Variants in KCNU1 observed in about 807,000 individuals in gnomAD.
The protein encoded by KCNU1 is potassium channel subfamily U member 1.
A neutral mutation model predicts 126.8 loss-of-function variants in KCNU1; 93 were observed. That is an observed-to-expected ratio of 0.73 (90% CI 0.62 to 0.87). The LOEUF (loss-of-function observed/expected upper bound fraction) is 0.87. KCNU1 is among the 40% of genes least tolerant of loss of function. The pLI, the probability that KCNU1 is intolerant of heterozygous loss-of-function variation, is 0.00. For synonymous variants in KCNU1, 523 were observed against 494.2 expected, an observed-to-expected ratio of 1.06 and a Z score of -0.77; for missense variants, 1,330 against 1,367.1, an observed-to-expected ratio of 0.97 and a Z score of 0.43.
intron 19 of KCNU1, among the ~76,000 whole-genome samples, chr8:36,899,288 G>A (rs546952220): frequency 1.9e-3 from 290 of 149,890 alleles, no homozygotes; most frequent in African/African-American, 6.4e-3. Flanking sequence ...CTAGAAGATA[G>A]AAAAAAAAAA....
intron 10 of KCNU1, among the ~76,000 whole-genome samples, chr8:36,828,556 T>G (rs1048891752): frequency 6.6e-6 from 1 of 152,144 alleles, no homozygotes; most frequent in Admixed American, 6.5e-5. Context: ...TTATATTATG[T>G]TAGTAAGATG....
At chr8:36,839,614 G>T (rs1804876802) in intron 14 of KCNU1, among the ~76,000 whole-genome samples, 1 of 152,040 alleles carries the variant, frequency 6.6e-6, no homozygotes, top group Admixed American at 6.6e-5. Flanking sequence ...TTTTTGTTTT[G>T]CTTTTTTTCC....
chr8:36,839,864 G>T (rs1804886954), intron 14 of KCNU1, among the ~76,000 whole-genome samples: 1 of 152,114 alleles, frequency 6.6e-6, no homozygotes, highest in Admixed American at 6.6e-5. Flanking sequence ...CTGTTGGGTT[G>T]GGTGCATTTA....
rs779346550 is a variant in KCNU1 at position 36,806,344 on chromosome 8, A to G, written c.544A>G (p.Thr182Ala). Residue 182 changes from threonine to alanine, a missense_variant, in exon 5 of 27, where the codon ACC (threonine) becomes GCC (alanine). Thr to Ala is a moderately conservative substitution (Grantham distance 58). Transcript: ENST00000399881. ...SIVDIFTIPP[T>A]FISYYLKSNW... ...CGTAGACATCTTTACCATCCCACCA[A>G]CCTTTATTTCTTATTATTTGAAGAG... is the stretch of plus-strand genomic sequence containing the variant. 6.2e-7 allele frequency: 1 copy of G among 1,609,676 alleles called. No individual in the cohort carries two copies. The highest frequency in any genetic ancestry group is 8.5e-7 in the Non-Finnish European group (1 of 1,177,566).
intron 7 of KCNU1, among the ~76,000 whole-genome samples, chr8:36,809,516 A>G (rs563127965): frequency 9.5e-4 from 145 of 152,242 alleles, no homozygotes; most frequent in Non-Finnish European, 1.5e-3. Context: ...AAAATCCATT[A>G]AAAAGTTACC....
intron 18 of KCNU1, among the ~76,000 whole-genome samples, chr8:36,848,690 T>A (rs1030138061): frequency 3.3e-5 from 5 of 152,212 alleles, no homozygotes; most frequent in African/African-American, 1.2e-4. Flanking sequence ...TCTCCCCGCG[T>A]ACAGACACTG....
At chr8:36,843,851 T>G (rs1805044012) in intron 16 of KCNU1, among the ~76,000 whole-genome samples, 1 of 152,196 alleles carries the variant, frequency 6.6e-6, no homozygotes, top group Admixed American at 6.5e-5. Flanking sequence ...CAGATGAAGC[T>G]GGATCTGACC....
chr8:36,829,332 G>T (rs1260810750), intron 10 of KCNU1, among the ~76,000 whole-genome samples: 1 of 151,526 alleles, frequency 6.6e-6, no homozygotes, highest in Non-Finnish European at 1.5e-5. Context: ...TTTTTGTTTA[G>T]AAACTTTTTC....
chr8:36,803,324 T>C (rs866175431), intron 2 of KCNU1, among the ~76,000 whole-genome samples: 128 of 152,184 alleles, frequency 8.4e-4, no homozygotes, highest in African/African-American at 3.0e-3. Flanking sequence ...AGCTGGATGG[T>C]TGGAAACTAG....
chr8:36,816,451 G>A (rs1803915543), intron 9 of KCNU1, among the ~76,000 whole-genome samples: 1 of 152,146 alleles, frequency 6.6e-6, no homozygotes, highest in Non-Finnish European at 1.5e-5. Flanking sequence ...CTCCCTGAAA[G>A]CAGTCTCTTA....
At chr8:36,926,602 T>C (rs1053042407) in intron 24 of KCNU1, among the ~76,000 whole-genome samples, 13 of 152,152 alleles carry the variant, frequency 8.5e-5, no homozygotes, top group African/African-American at 3.1e-4. Flanking sequence ...CCTATTCTTC[T>C]CTATTCTGAG....
rs182443233 is a variant in KCNU1, at chr8:36,810,798, A to G, written c.732+2005A>G. ...CATTATAGAAGTTACAAAATAAAAC[A>G]GTTATGAGAGCAACAATTAAGATAA... is the stretch of plus-strand genomic sequence containing the variant. On this transcript the variant is annotated intron_variant, in intron 7 of 26. Coordinates refer to ENST00000399881, the MANE Select transcript of KCNU1 (RefSeq NM_001031836.3). Among the ~76,000 whole-genome samples the G allele has an allele frequency of 2.2e-3, 328 of 152,330 alleles. 3 individuals are homozygous for G. Among genetic ancestry groups the G allele is most frequent in the Middle Eastern group, 3.4e-3 (1 of 294 alleles).
In KCNU1 at chr8:36,909,466, T is replaced by G; in HGVS notation, c.2262T>G (p.Ile754Met). Residue 754 changes from isoleucine (I) to methionine (M), a missense_variant, in exon 21 of 27, where the codon ATT (isoleucine) becomes ATG (methionine). Ile to Met is a conservative substitution (Grantham distance 10). Transcript: ENST00000399881. ...TRKELKDIVF[I>M]GSLDYLQREW... Reference sequence around the variant, plus strand: ...AGGAGCTGAAGGACATAGTGTTCATTGGGTCTCTGGACTATCTACAGAGAG... The same window carrying G: ...AGGAGCTGAAGGACATAGTGTTCATGGGGTCTCTGGACTATCTACAGAGAG... The G allele has an allele frequency of 6.2e-7, 1 of 1,613,618 alleles. No individual in the cohort carries two copies. Among genetic ancestry groups the G allele is most frequent in the Non-Finnish European group, 8.5e-7 (1 of 1,179,542 alleles).
At chr8:36,902,431 A>T (rs1374075017) in intron 19 of KCNU1, among the ~76,000 whole-genome samples, 1 of 151,984 alleles carries the variant, frequency 6.6e-6, no homozygotes, top group Non-Finnish European at 1.5e-5. Flanking sequence ...GAGGGTGGAG[A>T]AGGAGGGGAA....
At chr8:36,893,561 G>A (rs1318658672) in intron 19 of KCNU1, among the ~76,000 whole-genome samples, 4 of 151,818 alleles carry the variant, frequency 2.6e-5, no homozygotes, top group Admixed American at 2.0e-4. Flanking sequence ...TTTCTCTCTG[G>A]TGGCTGCTAG....
chr8:36,910,320 C>T (rs1807816796), intron 21 of KCNU1, among the ~76,000 whole-genome samples: 1 of 152,080 alleles, frequency 6.6e-6, no homozygotes, highest in Admixed American at 6.5e-5. Flanking sequence ...TTTTAAAAAG[C>T]CACTGTAAGT....
intron 19 of KCNU1, chr8:36,889,438 C>G (rs1806866727): frequency 6.3e-6 from 2 of 319,674 alleles, no homozygotes; most frequent in Non-Finnish European, 1.2e-5. Flanking sequence ...TGTTTTGACT[C>G]TGACTTATTT....
In KCNU1 at chr8:36,793,448, A is replaced by T. The variant is rs914614545; in HGVS notation, c.315+6023A>T. On this transcript the variant is annotated intron_variant, in intron 2 of 26. Coordinates refer to ENST00000399881, the MANE Select transcript of KCNU1 (RefSeq NM_001031836.3). Reference sequence around the variant, plus strand: ...TAAAATTTTACTTTTCATGTTTTGTAATGATCAGCTTATAATGTTGTTTAA... The same window carrying T: ...TAAAATTTTACTTTTCATGTTTTGTTATGATCAGCTTATAATGTTGTTTAA... Among the ~76,000 whole-genome samples the T allele has an allele frequency of 3.9e-5, 6 of 152,036 alleles. No individual in the cohort carries two copies. The East Asian group carries it at 7.7e-4, about 20-fold the overall frequency.
At chr8:36,829,230 C>T (rs887450061) in intron 10 of KCNU1, among the ~76,000 whole-genome samples, 3 of 152,058 alleles carry the variant, frequency 2.0e-5, no homozygotes, top group African/African-American at 4.8e-5. Context: ...TGTCTTATTG[C>T]TGAATATTAC....
Sources: allele counts gnomAD v4.1 joint callset (sites outside exome capture counted in the v4.1 genomes callset), GRCh38; gene constraint gnomAD v4.1.1; transcripts MANE v1.5; gene names NCBI Gene and HGNC (gene_info 2026-07-23, HGNC 2026-07-21).